Variants in L3MBTL4 observed in about 807,000 individuals in gnomAD.
L3MBTL4 encodes the protein L3MBTL histone methyl-lysine binding protein 4.
A neutral mutation model predicts 84.5 loss-of-function variants in L3MBTL4; 70 were observed. The ratio of observed to expected loss-of-function variants is 0.83; its 90% CI spans 0.68 to 1.01. L3MBTL4 has a LOEUF of 1.01. L3MBTL4 is among the 50% of genes least tolerant of loss of function. L3MBTL4 has a pLI of 0.00. For missense variants in L3MBTL4, 715 were observed against 754.8 expected, an observed-to-expected ratio of 0.95 and a Z score of 0.62; for synonymous variants, 274 against 259.8, an observed-to-expected ratio of 1.05 and a Z score of -0.52.
intron 14 of L3MBTL4, among the ~76,000 whole-genome samples, chr18:6,109,311 T>C (rs2059115640): frequency 6.6e-6 from 1 of 152,204 alleles, no homozygotes; most frequent in African/African-American, 2.4e-5. Context: ...TTTATTTTTT[T>C]ATACCATGTG....
chr18:6,273,454 A>G lies in L3MBTL4; in HGVS notation c.128-9416T>C, dbSNP rs484958. Among the ~76,000 whole-genome samples the G allele has an allele frequency of 5.8e-4, 41 of 70,746 alleles. 8 individuals carry two copies. The highest frequency in any genetic ancestry group is 3.5e-3 in the African/African-American group (37 of 10,430). 46.4% of individuals were successfully genotyped at this position (70,746 alleles called of 152,430 possible). ...TGCCTTCAGGAGCACGGGGAAAGGG[A>G]GAGTTGTGCAAATTCAACTAGGACT... On this transcript the variant is annotated intron_variant, in intron 4 of 18. Transcript: ENST00000317931.
In L3MBTL4 at chr18:5,956,281, A is replaced by G. The variant is rs767111690; in HGVS notation, c.1784T>C (p.Phe595Ser). The change falls in exon 19 of 19, where the codon TTC becomes TCC. Residue 595 changes from phenylalanine to serine, a missense_variant. Phe to Ser is a radical substitution (Grantham distance 155). Coordinates refer to ENST00000317931, the MANE Select transcript of L3MBTL4 (RefSeq NM_001330559.2). The part of the protein sequence containing the change: ...ALKIYNSILM[F>S]RHSQELPEED... ...TTCAGGGAGTTCCTGGGAATGCCTGAACATCAGGATAGAGTTGTAAATCTT... is the reference window on the plus strand; with the variant it reads ...TTCAGGGAGTTCCTGGGAATGCCTGGACATCAGGATAGAGTTGTAAATCTT... 2.5e-6 allele frequency: 4 copies of G among 1,614,134 alleles called. No individual in the cohort carries two copies. Among genetic ancestry groups the G allele is most frequent in the Non-Finnish European group, 3.4e-6 (4 of 1,179,978 alleles).
chr18:6,040,879 T>A (rs1247870555), intron 16 of L3MBTL4, among the ~76,000 whole-genome samples: 1 of 152,200 alleles, frequency 6.6e-6, no homozygotes, highest in Admixed American at 6.5e-5. Context: ...GGAGATTAAG[T>A]CAACATAATA....
chr18:6,393,039 G>A (rs2055122806), intron 1 of L3MBTL4, among the ~76,000 whole-genome samples: 1 of 151,548 alleles, frequency 6.6e-6, no homozygotes. Flanking sequence ...ATTCAACCAT[G>A]TAACCAAAAA....
chr18:6,401,227 C>T (rs984478353), intron 1 of L3MBTL4, among the ~76,000 whole-genome samples: 7 of 152,060 alleles, frequency 4.6e-5, no homozygotes, highest in African/African-American at 1.4e-4. Flanking sequence ...TGATCGTATT[C>T]GTATGAGGTT....
At chr18:6,199,970 C>A (rs2045581016) in intron 12 of L3MBTL4, among the ~76,000 whole-genome samples, 1 of 152,128 alleles carries the variant, frequency 6.6e-6, no homozygotes, top group Admixed American at 6.5e-5. Flanking sequence ...GCAGGACAGG[C>A]AGGAATGCCA....
rs1488361385 is a variant in L3MBTL4, at chr18:5,972,887, CAGAAGAGAAT to C, written c.1445-3335_1445-3326del. ...TAGAATAGAATAGAATAGAATAGAA[CAGAAGAGAAT>C]AGAATAGAATAGAATAGAATAGAAT... On this transcript the variant is annotated intron_variant, in intron 16 of 18. Coordinates refer to ENST00000317931, the MANE Select transcript of L3MBTL4 (RefSeq NM_001330559.2). 2.2e-3 allele frequency among the ~76,000 whole-genome samples: 58 copies of C among 26,700 alleles called. 3 individuals carry two copies. The highest frequency in any genetic ancestry group is 4.0e-3 in the Admixed American group (11 of 2,784). The allele number at this position is 26,700 out of a possible 152,430, so 17.5% of individuals were successfully genotyped here.
intron 12 of L3MBTL4, among the ~76,000 whole-genome samples, chr18:6,178,329 T>A (rs528490020): frequency 6.6e-6 from 1 of 152,316 alleles, no homozygotes; most frequent in East Asian, 1.9e-4. Flanking sequence ...AATCAAAATC[T>A]GTGCCTATGT....
intron 1 of L3MBTL4, among the ~76,000 whole-genome samples, chr18:6,338,801 TAA>T (rs1183800536): frequency 6.6e-6 from 1 of 151,972 alleles, no homozygotes; most frequent in African/African-American, 2.4e-5. Flanking sequence ...TGTTTTAACA[TAA>T]AAAGACATAC....
intron 14 of L3MBTL4, among the ~76,000 whole-genome samples, chr18:6,133,101 C>T (rs2059923778): frequency 1.3e-5 from 2 of 152,126 alleles, no homozygotes; most frequent in Non-Finnish European, 2.9e-5. Context: ...AGTCACTTCA[C>T]AGAAGTACCT....
rs1396439471 is a variant in L3MBTL4 at position 6,414,692 on chromosome 18, G to A, written c.-91+109C>T. The stretch of plus-strand genomic sequence containing the variant: ...CGGCCCGGCCCTCGCCGCGGGAGTC[G>A]TGCAGGCCCCTCTACCTGCCCGGGG... On this transcript the variant is annotated intron_variant, in intron 1 of 18. Transcript: ENST00000317931. The surrounding 1 kb of genome is among the most constrained non-coding windows in gnomAD (Gnocchi z 5.4). 6.6e-6 allele frequency: 1 copy of A among 152,020 alleles called. No individual in the cohort carries two copies. The highest frequency in any genetic ancestry group is 2.4e-5 in the African/African-American group (1 of 41,414). 9.4% of individuals were successfully genotyped at this position (152,020 alleles called of 1,614,324 possible).
At chr18:6,120,061 T>C (rs535373531) in intron 14 of L3MBTL4, among the ~76,000 whole-genome samples, 11 of 152,240 alleles carry the variant, frequency 7.2e-5, no homozygotes, top group Non-Finnish European at 1.6e-4. Flanking sequence ...CCAAGCTGAG[T>C]CTTATGGACT....
At chr18:6,200,968 TATTTA>T (rs1004558489) in intron 12 of L3MBTL4, among the ~76,000 whole-genome samples, 13 of 152,322 alleles carry the variant, frequency 8.5e-5, no homozygotes, top group Admixed American at 2.6e-4. Context: ...AGTACACTCT[TATTTA>T]CAACTCACAT....
intron 1 of L3MBTL4, among the ~76,000 whole-genome samples, chr18:6,368,931 A>C (rs981732899): frequency 6.6e-6 from 1 of 151,912 alleles, no homozygotes; most frequent in Non-Finnish European, 1.5e-5. Context: ...AGTCCCAGCT[A>C]CTCAGGAAAA....
chr18:5,977,775 C>T (rs2053015971), intron 16 of L3MBTL4, among the ~76,000 whole-genome samples: 1 of 152,160 alleles, frequency 6.6e-6, no homozygotes, highest in Non-Finnish European at 1.5e-5. Flanking sequence ...GGTGCACAGG[C>T]CCTGTCCAGA....
chr18:6,362,658 T>C (rs2053758077), intron 1 of L3MBTL4, among the ~76,000 whole-genome samples: 1 of 152,194 alleles, frequency 6.6e-6, no homozygotes. Flanking sequence ...CCCAAGTATC[T>C]CTGACTTTAA....
At chr18:6,103,343 C>A (rs2058895919) in intron 14 of L3MBTL4, among the ~76,000 whole-genome samples, 1 of 152,086 alleles carries the variant, frequency 6.6e-6, no homozygotes, top group African/African-American at 2.4e-5. Context: ...TTAATTGTAA[C>A]ATTTTGGTTA....
At chr18:6,050,154 AGTG>A (rs1188414331) in intron 16 of L3MBTL4, among the ~76,000 whole-genome samples, 3 of 152,194 alleles carry the variant, frequency 2.0e-5, no homozygotes, top group African/African-American at 7.2e-5. Flanking sequence ...AAAATTATAA[AGTG>A]ACATAGTGAC....
At chr18:5,999,787 G>A (rs1319439870) in intron 16 of L3MBTL4, among the ~76,000 whole-genome samples, 1 of 152,192 alleles carries the variant, frequency 6.6e-6, no homozygotes, top group African/African-American at 2.4e-5. Context: ...CGATCTCCTG[G>A]GTGGCCACTG....
Sources: gnomAD v4.1 joint callset for allele counts (sites outside exome capture counted in the v4.1 genomes callset) on GRCh38, gnomAD v4.1.1 for gene constraint, Gnocchi (gnomAD v3.1) non-coding constraint, MANE v1.5 for transcripts, NCBI Gene and HGNC (gene_info 2026-07-23, HGNC 2026-07-21) for gene names.